PRRG1: variants seen among roughly 807,000 people sequenced by gnomAD.
The protein encoded by PRRG1 is proline rich and Gla domain 1.
A neutral mutation model predicts 11.8 loss-of-function variants in PRRG1; 5 were observed. The observed-to-expected ratio is 0.42, with a 90% CI of 0.22 to 0.89. The LOEUF is 0.89. PRRG1 is among the 40% of genes least tolerant of loss of function. The pLI is 0.28. For missense variants in PRRG1, 155 were observed against 166.1 expected (o/e 0.93, Z 0.37); for synonymous variants, 66 against 60.4 (o/e 1.09, Z -0.43).
chrX:37,394,395 C>T (rs1931647802), intron 1 of PRRG1, among the ~76,000 whole-genome samples: 1 of 111,338 alleles, frequency 9.0e-6, no homozygotes, highest in African/African-American at 3.3e-5. Context: ...ATCCTTTTAC[C>T]CTTAAAAATT....
chrX:37,388,623 C>T (rs187208947), intron 1 of PRRG1, among the ~76,000 whole-genome samples: 3 of 113,366 alleles, frequency 2.6e-5, no homozygotes, highest in African/African-American at 9.6e-5. Context: ...CAGTGTCCCC[C>T]GGCTGCACAG....
intron 3 of PRRG1, among the ~76,000 whole-genome samples, chrX:37,435,977 T>C (rs1932880733): frequency 8.9e-6 from 1 of 112,263 alleles, no homozygotes; most frequent in South Asian, 3.7e-4. Context: ...GAGAATGTTA[T>C]GTATTATCTT....
Position 37,361,235 on chromosome X carries a change from A to G in PRRG1, c.-42+11840A>G, listed in dbSNP as rs1403431793. 2.9e-4 allele frequency among the ~76,000 whole-genome samples: 32 copies of G among 110,231 alleles called. 1 individual carries two copies. The highest frequency in any genetic ancestry group is 1.1e-4 in the Non-Finnish European group (6 of 52,761). On this transcript the variant is annotated intron_variant, in intron 1 of 3. Transcript: ENST00000378628. ...TGGTAGCCTGTAGTCCCAGCTACTC[A>G]GGAGGCTGAGGCAAGAGAATGGCGT... is the stretch of plus-strand genomic sequence containing the variant.
chrX:37,392,767 A>T (rs1601995376), intron 1 of PRRG1, among the ~76,000 whole-genome samples: 1 of 111,092 alleles, frequency 9.0e-6, no homozygotes, highest in Non-Finnish European at 1.9e-5. Context: ...TTATTTAAAT[A>T]ACATCTTTTC....
At chrX:37,447,038 TA>T (rs1933090365) in intron 3 of PRRG1, among the ~76,000 whole-genome samples, 1 of 111,671 alleles carries the variant, frequency 9.0e-6, no homozygotes, top group African/African-American at 3.3e-5. Flanking sequence ...ACATGAGTTT[TA>T]TTTTTTTTTC....
chrX:37,448,950 AT>A (rs1238616808), intron 3 of PRRG1, among the ~76,000 whole-genome samples: 1 of 111,428 alleles, frequency 9.0e-6, no homozygotes, highest in Non-Finnish European at 1.9e-5. Context: ...CAGTTTAAAA[AT>A]GATCTGTTTC....
chrX:37,352,889 CCT>C (rs2146915054), intron 1 of PRRG1, among the ~76,000 whole-genome samples: 1 of 111,877 alleles, frequency 8.9e-6, no homozygotes, highest in South Asian at 3.7e-4. Context: ...AGCTGAAAAA[CCT>C]GGTGACTTTG....
intron 1 of PRRG1, among the ~76,000 whole-genome samples, chrX:37,362,366 A>G (rs1556367865): frequency 1.8e-5 from 2 of 109,907 alleles, no homozygotes; most frequent in Non-Finnish European, 3.8e-5. Context: ...TTCTAGCATT[A>G]TTTCCTTCCT....
In PRRG1 at chrX:37,403,635, T is replaced by G. The variant is rs781889798; in HGVS notation, c.-41-2574T>G. 74 of 404,201 alleles carry G rather than the reference T, an allele frequency of 1.8e-4. No individual in the cohort carries two copies. The East Asian group carries it at 0.013, about 71-fold the overall frequency. 33.3% of individuals were successfully genotyped at this position (404,201 alleles called of 1,213,427 possible). A position where few individuals can be genotyped will look rare whatever the true frequency, so the allele number is the denominator to read the frequency against. The stretch of plus-strand genomic sequence containing the variant: ...CCTAAAACTTAAAGTATAATAATAA[T>G]AAAATAAAATAATAAAATAAAATAA... On this transcript the variant is annotated intron_variant, in intron 1 of 3. Coordinates refer to ENST00000378628, the MANE Select transcript of PRRG1 (RefSeq NM_001142395.2).
At chrX:37,403,687 A>T (rs1253558467) in intron 1 of PRRG1, 2 of 497,502 alleles carry the variant, frequency 4.0e-6, no homozygotes, top group African/African-American at 3.4e-5. Context: ...ATGAATCTTA[A>T]CACACACACA....
Position 37,455,332 on chromosome X carries a change from T to G in PRRG1, c.*1711T>G, listed in dbSNP as rs945961477. The G allele has an allele frequency of 2.7e-5, 3 of 112,355 alleles. No individual in the cohort carries two copies. Among genetic ancestry groups the G allele is most frequent in the Non-Finnish European group, 5.6e-5 (3 of 53,332 alleles). The allele number at this position is 112,355 out of a possible 1,213,427, so 9.3% of individuals were successfully genotyped here. ...ATAAGATGGTGTGTATGTAAGAAATTTGTAAAATGTGAAGAGCTATCTACA... is the reference window on the plus strand; with the variant it reads ...ATAAGATGGTGTGTATGTAAGAAATGTGTAAAATGTGAAGAGCTATCTACA... On this transcript the variant is annotated 3_prime_UTR_variant, in exon 4 of 4. Transcript: ENST00000378628.
intron 3 of PRRG1, among the ~76,000 whole-genome samples, chrX:37,444,221 T>A: frequency 8.9e-6 from 1 of 112,044 alleles, no homozygotes; most frequent in East Asian, 2.8e-4. Context: ...CTCTCCCCTC[T>A]CTGACTTTGT....
At chrX:37,365,514 C>G (rs1556369108) in intron 1 of PRRG1, among the ~76,000 whole-genome samples, 1 of 111,865 alleles carries the variant, frequency 8.9e-6, no homozygotes. Flanking sequence ...TTCTAGCCTC[C>G]TTTTTGGTAT....
At chrX:37,445,005 A>C (rs1207170098) in intron 3 of PRRG1, among the ~76,000 whole-genome samples, 2 of 111,798 alleles carry the variant, frequency 1.8e-5, no homozygotes, top group Non-Finnish European at 3.8e-5. Context: ...CAAGAGCAAC[A>C]GGATGAAATC....
chrX:37,360,078 G>T (rs1300744962), intron 1 of PRRG1, among the ~76,000 whole-genome samples: 37 of 111,047 alleles, frequency 3.3e-4, no homozygotes, highest in African/African-American at 1.2e-3. Flanking sequence ...TGAATTCATT[G>T]ATCTTTTCAA....
intron 3 of PRRG1, among the ~76,000 whole-genome samples, chrX:37,438,733 G>A (rs1262201810): frequency 2.7e-5 from 3 of 111,296 alleles, no homozygotes; most frequent in African/African-American, 6.5e-5. Context: ...CACCATGCCC[G>A]GCCCTTTTCT....
intron 1 of PRRG1, among the ~76,000 whole-genome samples, chrX:37,384,511 A>G (rs1399999697): frequency 9.0e-6 from 1 of 111,556 alleles, no homozygotes; most frequent in Non-Finnish European, 1.9e-5. Context: ...CTATATTCCT[A>G]CTATTAGTTC....
chrX:37,435,015 T>C (rs1932869823), intron 3 of PRRG1, among the ~76,000 whole-genome samples: 1 of 112,132 alleles, frequency 8.9e-6, no homozygotes, highest in South Asian at 3.7e-4. Flanking sequence ...CACACCTGCA[T>C]AGTCCCACCT....
chrX:37,430,621 A>AT (rs1181670465), intron 3 of PRRG1, among the ~76,000 whole-genome samples: 1 of 111,753 alleles, frequency 8.9e-6, no homozygotes, highest in African/African-American at 3.2e-5. Flanking sequence ...GCATGCATGC[A>AT]TTTTTTTAAC....
Sources: allele counts gnomAD v4.1 joint callset (sites outside exome capture counted in the v4.1 genomes callset), GRCh38; gene constraint gnomAD v4.1.1; transcripts MANE v1.5; gene names NCBI Gene and HGNC (gene_info 2026-07-23, HGNC 2026-07-21).